Variants in ACER3 observed in about 807,000 individuals in gnomAD.
The protein encoded by ACER3 is alkCDase 3.
A neutral mutation model predicts 48.9 loss-of-function variants in ACER3; 16 were observed. That is an observed-to-expected ratio of 0.33 (90% CI 0.22 to 0.50). The LOEUF is 0.50. Among genes scored for constraint, ACER3 ranks in the 20% least tolerant of loss-of-function variants. The probability of loss-of-function intolerance (pLI) is 0.98; values close to 1 mark genes in which losing one functional copy is unlikely to be tolerated. For missense variants in ACER3, 227 were observed against 326.0 expected (o/e 0.70, Z 2.34); for synonymous variants, 109 against 107.8 (o/e 1.01, Z -0.07).
Position 77,024,105 on chromosome 11 carries a change from T to TAAAAA in ACER3, c.*3782_*3783insAAAAA. On this transcript the variant is annotated 3_prime_UTR_variant, in exon 11 of 11. Transcript: ENST00000532485. The stretch of plus-strand genomic sequence containing the variant: ...AAAAAAAAAAAAAAAAAAAAAAGAC[T>TAAAAA]AAAATTTGATTTAAAGTAGTTAAAC... 1 of 50,018 alleles carries TAAAAA rather than the reference T, an allele frequency of 2.0e-5. No homozygotes were observed. The highest frequency in any genetic ancestry group is 4.1e-5 in the Non-Finnish European group (1 of 24,162). 3.1% of individuals were successfully genotyped at this position (50,018 alleles called of 1,614,324 possible).
At chr11:76,882,658 A>G (rs1270524046) in intron 1 of ACER3, among the ~76,000 whole-genome samples, 4 of 152,142 alleles carry the variant, frequency 2.6e-5, no homozygotes, top group Non-Finnish European at 5.9e-5. Context: ...AATAAGAACC[A>G]TTTTCCTGGT....
chr11:76,920,047 C>CAG (rs1385873598), intron 1 of ACER3, among the ~76,000 whole-genome samples: 1 of 152,156 alleles, frequency 6.6e-6, no homozygotes, highest in Non-Finnish European at 1.5e-5. Context: ...TAGAGGGCGC[C>CAG]AGAGAGACAT....
chr11:76,922,764 T>C (rs1434782214), intron 1 of ACER3, among the ~76,000 whole-genome samples: 1 of 152,174 alleles, frequency 6.6e-6, no homozygotes, highest in Non-Finnish European at 1.5e-5. Context: ...TACTGTAAAT[T>C]GTATAATTTC....
At chr11:76,932,424 T>C (rs1947031099) in intron 2 of ACER3, among the ~76,000 whole-genome samples, 1 of 152,242 alleles carries the variant, frequency 6.6e-6, no homozygotes, top group Non-Finnish European at 1.5e-5. Context: ...TTTCACAATC[T>C]GTTGCTCATA....
chr11:76,875,517 C>T (rs1287268650), intron 1 of ACER3, among the ~76,000 whole-genome samples: 1 of 152,086 alleles, frequency 6.6e-6, no homozygotes, highest in Non-Finnish European at 1.5e-5. Context: ...CTACCATTAA[C>T]ATTTTATTAC....
intron 7 of ACER3, among the ~76,000 whole-genome samples, chr11:76,999,490 A>G (rs1555019365): frequency 6.6e-6 from 1 of 152,114 alleles, no homozygotes; most frequent in South Asian, 2.1e-4. Flanking sequence ...TCCATTTGTA[A>G]CATCTTACAA....
At chr11:76,916,897 A>G (rs1252026860) in intron 1 of ACER3, among the ~76,000 whole-genome samples, 1 of 152,168 alleles carries the variant, frequency 6.6e-6, no homozygotes, top group Admixed American at 6.5e-5. Context: ...TCTCTAAAGC[A>G]GCATTTTAGA....
intron 1 of ACER3, among the ~76,000 whole-genome samples, chr11:76,914,046 A>T (rs892734080): frequency 6.6e-5 from 10 of 152,226 alleles, no homozygotes; most frequent in Non-Finnish European, 1.3e-4. Flanking sequence ...ACAAAAATTA[A>T]TTCAAGATGG....
chr11:76,884,883 C>T (rs1027019595), intron 1 of ACER3, among the ~76,000 whole-genome samples: 4 of 152,082 alleles, frequency 2.6e-5, no homozygotes, highest in Non-Finnish European at 4.4e-5. Context: ...CCCACCTCAG[C>T]CTCTGGGATA....
intron 7 of ACER3, among the ~76,000 whole-genome samples, chr11:77,008,006 A>G (rs1949188930): frequency 6.6e-6 from 1 of 152,246 alleles, no homozygotes; most frequent in African/African-American, 2.4e-5. Flanking sequence ...TTGTATACAT[A>G]TGTCAAAACA....
At chr11:76,902,736 A>G (rs1946112993) in intron 1 of ACER3, among the ~76,000 whole-genome samples, 1 of 152,210 alleles carries the variant, frequency 6.6e-6, no homozygotes, top group South Asian at 2.1e-4. Context: ...TTTTACTGCC[A>G]TATGCAATTT....
Position 76,861,010 on chromosome 11 carries a change from G to A in ACER3, c.34G>A (p.Gly12Ser), listed in dbSNP as rs1460560428. ...GGCCGCGGACCGAGAGGGCTACTGG[G>A]GCCCCACGACCTCCACGCTGGACTG... ...APAADREGYW[G>S]PTTSTLDWCE... The change falls in exon 1 of 11, where the codon GGC becomes AGC. Residue 12 changes from glycine to serine, a missense_variant. Coordinates refer to ENST00000532485, the MANE Select transcript of ACER3 (RefSeq NM_018367.7). The A allele has an allele frequency of 2.6e-6, 4 of 1,546,750 alleles. 1 individual carries two copies. In the South Asian group the frequency reaches 4.8e-5, roughly 18 times the overall value.
intron 3 of ACER3, among the ~76,000 whole-genome samples, chr11:76,970,687 A>T (rs1306229944): frequency 6.6e-6 from 1 of 152,070 alleles, no homozygotes; most frequent in African/African-American, 2.4e-5. Context: ...GTTTTTTTTT[A>T]AAGTATAACT....
At chr11:77,016,051 G>A (rs1949360329) in intron 8 of ACER3, among the ~76,000 whole-genome samples, 1 of 148,826 alleles carries the variant, frequency 6.7e-6, no homozygotes, top group African/African-American at 2.5e-5. Flanking sequence ...AGGTTGCAGT[G>A]AGCCGAGATC....
chr11:77,005,036 C>CTTTTTTT (rs57411582), intron 7 of ACER3, among the ~76,000 whole-genome samples: 1 of 112,866 alleles, frequency 8.9e-6, no homozygotes, highest in African/African-American at 3.1e-5. Context: ...TAAACTTTTT[C>CTTTTTTT]TTTTTTTTTT....
intron 2 of ACER3, chr11:76,955,333 G>A (rs1047627475): frequency 6.6e-6 from 1 of 152,162 alleles, no homozygotes. Context: ...AATACAATAT[G>A]TTCATAATAG....
intron 1 of ACER3, among the ~76,000 whole-genome samples, chr11:76,884,241 A>ATT (rs71040041): frequency 6.7e-6 from 1 of 150,118 alleles, no homozygotes; most frequent in Non-Finnish European, 1.5e-5. Flanking sequence ...CTATGCTTGG[A>ATT]TTTTTTTTTT....
intron 1 of ACER3, among the ~76,000 whole-genome samples, chr11:76,875,405 C>G (rs146367863): frequency 6.6e-6 from 1 of 152,084 alleles, no homozygotes; most frequent in South Asian, 2.1e-4. Context: ...CGTGAGCCAC[C>G]GCGCCCGGCC....
At chr11:76,915,486 G>A (rs1444984286) in intron 1 of ACER3, among the ~76,000 whole-genome samples, 2 of 151,928 alleles carry the variant, frequency 1.3e-5, no homozygotes, top group Non-Finnish European at 2.9e-5. Context: ...GTTAACAGGT[G>A]TGGACCATCC....
Sources: gnomAD v4.1 joint callset for allele counts (sites outside exome capture counted in the v4.1 genomes callset) on GRCh38, gnomAD v4.1.1 for gene constraint, MANE v1.5 for transcripts, NCBI Gene and HGNC (gene_info 2026-07-23, HGNC 2026-07-21) for gene names.